The following HIBCH variants were observed in gnomAD, a reference collection of about 807,000 sequenced individuals.
The protein encoded by HIBCH is 3-hydroxyisobutyryl-CoA hydrolase, also known as 3-hydroxyisobutyryl-CoA hydrolase, mitochondrial.
A neutral mutation model predicts 58.2 loss-of-function variants in HIBCH; 50 were observed. The ratio of observed to expected loss-of-function variants is 0.86; its 90% CI spans 0.68 to 1.09. The LOEUF (loss-of-function observed/expected upper bound fraction) is 1.09. HIBCH is among the 50% of genes least tolerant of loss of function. HIBCH has a pLI of 0.00. For missense variants in HIBCH, 450 were observed against 449.7 expected (o/e 1.00, Z -0.01); for synonymous variants, 151 against 146.9 (o/e 1.03, Z -0.20).
intron 11 of HIBCH, among the ~76,000 whole-genome samples, chr2:190,235,469 T>C (rs1380252854): frequency 6.6e-6 from 1 of 152,198 alleles, no homozygotes; most frequent in Non-Finnish European, 1.5e-5. Context: ...CTTTAGTTCA[T>C]GTGTGAAAAA....
intron 1 of HIBCH, 185 bp from the exon 2 acceptor site, chr2:190,310,981 A>T (rs781473747): frequency 2.4e-5 from 17 of 699,654 alleles, no homozygotes; most frequent in Non-Finnish European, 4.5e-5. Flanking sequence ...TTTGCACATG[A>T]ATTTTATGGT....
intron 13 of HIBCH, among the ~76,000 whole-genome samples, chr2:190,208,043 T>C (rs1304042494): frequency 6.6e-6 from 1 of 152,220 alleles, no homozygotes; most frequent in African/African-American, 2.4e-5. Flanking sequence ...ATAAGAATTA[T>C]GCATAAAAAG....
chr2:190,199,793 A>G (rs1005248352), downstream of HIBCH: 3 of 1,567,764 alleles, frequency 1.9e-6, no homozygotes, highest in African/African-American at 4.1e-5. Flanking sequence ...GACAAATTTC[A>G]TTGTTTTCTA....
At chr2:190,261,484 C>T (rs1022184272) in intron 6 of HIBCH, among the ~76,000 whole-genome samples, 9 of 152,102 alleles carry the variant, frequency 5.9e-5, no homozygotes, top group African/African-American at 2.2e-4. Context: ...CTTGTCTGGT[C>T]ATTCTCTTCC....
intron 8 of HIBCH, chr2:190,250,274 T>A: frequency 2.4e-6 from 1 of 418,900 alleles, no homozygotes; most frequent in Non-Finnish European, 4.9e-6. Context: ...AGGCCGGCTG[T>A]ACTGCAACCT....
At chr2:190,228,381 C>T (rs1021889440) in intron 11 of HIBCH, among the ~76,000 whole-genome samples, 8 of 138,676 alleles carry the variant, frequency 5.8e-5, no homozygotes, top group Non-Finnish European at 1.1e-4. Context: ...GCGGGGAACA[C>T]CACACACCAG....
intron 2 of HIBCH, among the ~76,000 whole-genome samples, chr2:190,302,612 T>C (rs1275361549): frequency 6.6e-6 from 1 of 152,196 alleles, no homozygotes; most frequent in Admixed American, 6.5e-5. Context: ...GGCTGGTTTC[T>C]GTTTAACTCT....
At chr2:190,299,031 G>A (rs1429543213) in intron 2 of HIBCH, among the ~76,000 whole-genome samples, 1 of 152,006 alleles carries the variant, frequency 6.6e-6, no homozygotes, top group Non-Finnish European at 1.5e-5. Flanking sequence ...TTTTTGTCAG[G>A]TTTGTTGAAG....
At chr2:190,257,653 T>A (rs1686964190) in intron 7 of HIBCH, among the ~76,000 whole-genome samples, 1 of 152,108 alleles carries the variant, frequency 6.6e-6, no homozygotes, top group Non-Finnish European at 1.5e-5. Context: ...CAGACCGGGG[T>A]AATTTAGAAA....
At chr2:190,221,852 T>A (rs1052822315) in intron 11 of HIBCH, among the ~76,000 whole-genome samples, 2 of 152,136 alleles carry the variant, frequency 1.3e-5, no homozygotes, top group African/African-American at 4.8e-5. Flanking sequence ...ATGGCCAGAC[T>A]CCAGGGGAAG....
chr2:190,195,834 G>A (rs1389770616), intron 1 of HIBCH, among the ~76,000 whole-genome samples: 2 of 151,494 alleles, frequency 1.3e-5, no homozygotes, highest in Non-Finnish European at 2.9e-5. Flanking sequence ...CCAAACCCAA[G>A]GTTATCTGGA....
At chr2:190,286,171 G>C (rs1687822871) in intron 6 of HIBCH, among the ~76,000 whole-genome samples, 1 of 152,118 alleles carries the variant, frequency 6.6e-6, no homozygotes, top group African/African-American at 2.4e-5. Context: ...CATGTGACAA[G>C]GGCCCCATCC....
intron 11 of HIBCH, among the ~76,000 whole-genome samples, chr2:190,228,262 G>A (rs1017172429): frequency 2.0e-5 from 3 of 152,126 alleles, no homozygotes; most frequent in African/African-American, 7.2e-5. Flanking sequence ...GGACATGGAT[G>A]AAGCTGGAAA....
At chr2:190,300,520 T>C (rs1688233150) in intron 2 of HIBCH, among the ~76,000 whole-genome samples, 1 of 152,122 alleles carries the variant, frequency 6.6e-6, no homozygotes, top group Non-Finnish European at 1.5e-5. Context: ...GGGGTTGTTT[T>C]TTTCTTATAA....
chr2:190,195,972 A>ATGAT (rs1176581312), intron 1 of HIBCH, among the ~76,000 whole-genome samples: 1 of 77,894 alleles, frequency 1.3e-5, no homozygotes, highest in Non-Finnish European at 2.5e-5. Context: ...TGGCATATGG[A>ATGAT]TGATTTGTTT....
intron 11 of HIBCH, among the ~76,000 whole-genome samples, chr2:190,239,929 C>T (rs759010110): frequency 6.6e-6 from 1 of 152,144 alleles, no homozygotes; most frequent in East Asian, 1.9e-4. Context: ...GGATTACAGG[C>T]ATGAGCCACC....
At chr2:190,266,686 G>A (rs552904969) in intron 6 of HIBCH, among the ~76,000 whole-genome samples, 47 of 152,054 alleles carry the variant, frequency 3.1e-4, no homozygotes, top group Admixed American at 1.1e-3. Context: ...CGCCCGCCTC[G>A]GCCTCCCAGA....
intron 3 of HIBCH, among the ~76,000 whole-genome samples, chr2:190,295,448 T>G (rs552516951): frequency 1.3e-5 from 2 of 152,382 alleles, no homozygotes; most frequent in African/African-American, 2.4e-5. Context: ...AACAGTGTGT[T>G]GTGCACTTGT....
At chr2:190,308,552 G>C (rs1688475341) in intron 2 of HIBCH, among the ~76,000 whole-genome samples, 1 of 152,138 alleles carries the variant, frequency 6.6e-6, no homozygotes, top group Non-Finnish European at 1.5e-5. Context: ...AAGAGGAAGA[G>C]GCAGACCTGA....
Sources: gnomAD v4.1 joint callset for allele counts (sites outside exome capture counted in the v4.1 genomes callset) on GRCh38, gnomAD v4.1.1 for gene constraint, MANE v1.5 for transcripts, NCBI Gene and HGNC (gene_info 2026-07-23, HGNC 2026-07-21) for gene names.